Variants in FOXP1 observed in about 807,000 individuals in gnomAD.
The protein encoded by FOXP1 is forkhead box P1, also known as forkhead box protein P1.
In FOXP1, 15 loss-of-function variants were observed where a neutral mutation model predicts 98.2. That is an observed-to-expected ratio of 0.15 (90% confidence interval 0.10 to 0.24). The LOEUF is 0.24. FOXP1 is among the 10% of genes least tolerant of loss of function. The pLI, the probability that FOXP1 is intolerant of heterozygous loss-of-function variation, is 1.00. For synonymous variants in FOXP1, 371 were observed against 314.5 expected (o/e 1.18, Z -1.90); for missense variants, 633 against 848.5 (o/e 0.75, Z 3.15).
chr3:71,529,282 T>G (rs1335713019), intron 2 of FOXP1, among the ~76,000 whole-genome samples: 1 of 152,250 alleles, frequency 6.6e-6, no homozygotes, highest in African/African-American at 2.4e-5. Flanking sequence ...ATAGTTCAAT[T>G]TGAGTCAAAA....
intron 18 of FOXP1, 37 bp downstream of exon 18, chr3:70,972,518 C>T (rs767383226): frequency 2.5e-6 from 4 of 1,613,876 alleles, no homozygotes; most frequent in East Asian, 2.2e-5. Flanking sequence ...TAGCACAATC[C>T]AAGCTAGGCT....
chr3:71,087,901 G>C (rs760357186), intron 7 of FOXP1, among the ~76,000 whole-genome samples: 3 of 152,170 alleles, frequency 2.0e-5, no homozygotes, highest in Non-Finnish European at 2.9e-5. Context: ...CTGTTTGCAT[G>C]TATAAGTTTT....
rs553890729 is a variant in FOXP1, at chr3:70,973,646, C to G, written c.1531-970G>C. ...GTTAAACTTACGGATCCAGACTCAA[C>G]GCTGGACATGAAGACATTCTAAAGA... On this transcript the variant is annotated intron_variant, in intron 17 of 20. Transcript: ENST00000649528. 2.1e-3 allele frequency among the ~76,000 whole-genome samples: 316 copies of G among 152,206 alleles called. 1 individual carries two copies. Among genetic ancestry groups the G allele is most frequent in the Admixed American group, 4.7e-3 (71 of 15,256 alleles).
intron 7 of FOXP1, among the ~76,000 whole-genome samples, chr3:71,083,455 A>G (rs757256121): frequency 1.3e-5 from 2 of 152,204 alleles, no homozygotes; most frequent in African/African-American, 2.4e-5. Context: ...TGACACAAGA[A>G]CAGCCTAACA....
At chr3:71,295,845 T>A (rs943276504) in intron 5 of FOXP1, among the ~76,000 whole-genome samples, 1 of 152,244 alleles carries the variant, frequency 6.6e-6, no homozygotes, top group Non-Finnish European at 1.5e-5. Flanking sequence ...GACATCTGTA[T>A]AATTGTGACC....
chr3:71,149,639 GAC>G (rs2060478061), intron 6 of FOXP1, among the ~76,000 whole-genome samples: 1 of 152,090 alleles, frequency 6.6e-6, no homozygotes, highest in Non-Finnish European at 1.5e-5. Flanking sequence ...ATTAAAAAAA[GAC>G]AGATATGGAA....
chr3:71,268,027 A>G (rs2069882531), intron 5 of FOXP1, among the ~76,000 whole-genome samples: 4 of 151,626 alleles, frequency 2.6e-5, no homozygotes, highest in Admixed American at 2.0e-4. Context: ...CAAAAAAAAA[A>G]AAAAAAAGTC....
chr3:71,015,716 G>A (rs2044363331), intron 11 of FOXP1, 63 bp from the exon 12 acceptor site: 13 of 1,223,980 alleles, frequency 1.1e-5, no homozygotes, highest in Non-Finnish European at 1.3e-5. Context: ...TCCACCAGAC[G>A]AGGATAAAAA....
intron 3 of FOXP1, among the ~76,000 whole-genome samples, chr3:71,405,163 C>T (rs970311336): frequency 1.8e-4 from 27 of 152,166 alleles, no homozygotes; most frequent in African/African-American, 6.5e-4. Flanking sequence ...TCACAGTGAG[C>T]CTTGGGTTCA....
intron 12 of FOXP1, among the ~76,000 whole-genome samples, chr3:71,001,837 G>T (rs559865826): frequency 6.6e-6 from 1 of 152,222 alleles, no homozygotes; most frequent in African/African-American, 2.4e-5. Context: ...AAAGCCTAAA[G>T]TCTTGAAAAT....
intron 12 of FOXP1, among the ~76,000 whole-genome samples, chr3:71,006,061 T>A (rs1370067601): frequency 6.6e-6 from 1 of 152,036 alleles, no homozygotes; most frequent in Non-Finnish European, 1.5e-5. Flanking sequence ...TCGTGATTTG[T>A]AAAGGGCTGA....
chr3:71,557,572 C>G (rs1047162421), intron 2 of FOXP1, among the ~76,000 whole-genome samples: 5 of 152,178 alleles, frequency 3.3e-5, no homozygotes, highest in Admixed American at 1.3e-4. Context: ...AGGAAGGCAG[C>G]TCTGAGGCCT....
intron 5 of FOXP1, among the ~76,000 whole-genome samples, chr3:71,232,726 CTG>C (rs1417367849): frequency 6.6e-6 from 1 of 151,594 alleles, no homozygotes; most frequent in Non-Finnish European, 1.5e-5. Flanking sequence ...CGGTAAAACC[CTG>C]TGTCTACCAA....
chr3:71,132,859 G>C (rs1036889291), intron 6 of FOXP1, among the ~76,000 whole-genome samples: 3 of 152,046 alleles, frequency 2.0e-5, no homozygotes, highest in East Asian at 3.9e-4. Flanking sequence ...TGGATCCTAA[G>C]AGTGTTTTTT....
intron 14 of FOXP1, among the ~76,000 whole-genome samples, chr3:70,987,164 A>G (rs1315502136): frequency 6.6e-6 from 1 of 152,236 alleles, no homozygotes; most frequent in African/African-American, 2.4e-5. Context: ...ATCAAGAAGC[A>G]AAGCACTGTC....
chr3:70,982,172 C>A (rs1004521926), intron 14 of FOXP1, among the ~76,000 whole-genome samples: 2 of 151,876 alleles, frequency 1.3e-5, no homozygotes, highest in African/African-American at 4.8e-5. Flanking sequence ...AGTGCCCCCC[C>A]AAAAAAAATT....
At chr3:70,981,191 CA>C (rs71104406) in intron 14 of FOXP1, among the ~76,000 whole-genome samples, 160 of 59,962 alleles carry the variant, frequency 2.7e-3, no homozygotes, top group Middle Eastern at 0.032. Flanking sequence ...CTCTTTCTAC[CA>C]AAAAAAAAAA....
At chr3:71,218,159 A>G (rs1418183406) in intron 5 of FOXP1, among the ~76,000 whole-genome samples, 1 of 152,206 alleles carries the variant, frequency 6.6e-6, no homozygotes, top group East Asian at 1.9e-4. Context: ...ACAGCTCTCC[A>G]AAGTCCCACC....
intron 2 of FOXP1, among the ~76,000 whole-genome samples, chr3:71,513,619 G>C (rs1169327466): frequency 6.6e-6 from 1 of 152,204 alleles, no homozygotes; most frequent in African/African-American, 2.4e-5. Flanking sequence ...TGTGAAAGTT[G>C]ATTATACAAA....
Sources: allele counts gnomAD v4.1 joint callset (sites outside exome capture counted in the v4.1 genomes callset), GRCh38; gene constraint gnomAD v4.1.1; transcripts MANE v1.5; gene names NCBI Gene and HGNC (gene_info 2026-07-23, HGNC 2026-07-21).